CHCHD6: variants seen among roughly 807,000 people sequenced by gnomAD.
CHCHD6 encodes the protein MICOS complex subunit MIC25.
CHCHD6 carries 28 observed loss-of-function variants against 32.3 expected under a neutral mutation model. That is an observed-to-expected ratio of 0.87 (90% CI 0.64 to 1.19). The LOEUF (loss-of-function observed/expected upper bound fraction) is 1.19. Among genes scored for constraint, CHCHD6 ranks in the 50% most tolerant of loss-of-function variants. The pLI is 0.00. For synonymous variants in CHCHD6, 122 were observed against 117.5 expected, an observed-to-expected ratio of 1.04 and a Z score of -0.25; for missense variants, 333 against 307.0, an observed-to-expected ratio of 1.08 and a Z score of -0.63.
intron 4 of CHCHD6, among the ~76,000 whole-genome samples, chr3:126,737,503 A>G (rs1171679736): frequency 2.0e-5 from 3 of 151,650 alleles, no homozygotes; most frequent in African/African-American, 7.3e-5. Context: ...GAAATAAGAG[A>G]CAGCTTCTGA....
intron 6 of CHCHD6, among the ~76,000 whole-genome samples, chr3:126,940,403 A>G (rs560111258): frequency 3.2e-4 from 48 of 152,300 alleles, no homozygotes; most frequent in African/African-American, 1.2e-3. Context: ...TAATTATCCT[A>G]TTATTCTTGT....
intron 4 of CHCHD6, among the ~76,000 whole-genome samples, chr3:126,826,896 C>T (rs1404680680): frequency 6.6e-6 from 1 of 152,174 alleles, no homozygotes; most frequent in African/African-American, 2.4e-5. Flanking sequence ...ACTGAGAGTT[C>T]TCTGGTCCAC....
chr3:126,752,317 A>T (rs906857236), intron 4 of CHCHD6, among the ~76,000 whole-genome samples: 1 of 152,194 alleles, frequency 6.6e-6, no homozygotes, highest in Non-Finnish European at 1.5e-5. Context: ...TTGTGAATGA[A>T]GTCCTGGAAC....
At chr3:126,919,747 T>C (rs74690067) in intron 6 of CHCHD6, among the ~76,000 whole-genome samples, 5,149 of 152,020 alleles carry the variant, frequency 0.034, 297 homozygotes, top group African/African-American at 0.12. Flanking sequence ...TTTGAAGATA[T>C]CTTTACATTC....
intron 4 of CHCHD6, among the ~76,000 whole-genome samples, chr3:126,834,036 A>T (rs1165996433): frequency 7.4e-6 from 1 of 135,606 alleles, no homozygotes; most frequent in Non-Finnish European, 1.5e-5. Context: ...ACTGGGCGAC[A>T]GAGCGAGACT....
intron 4 of CHCHD6, among the ~76,000 whole-genome samples, chr3:126,807,728 T>C (rs1051840044): frequency 2.6e-5 from 4 of 152,232 alleles, no homozygotes; most frequent in African/African-American, 9.6e-5. Flanking sequence ...AATTTTAGAA[T>C]ATAAAGGACA....
rs146155278 is a variant in CHCHD6, at chr3:126,875,661, A to G, written c.495+22931A>G. On this transcript the variant is annotated intron_variant, in intron 5 of 7. Coordinates refer to ENST00000290913, the MANE Select transcript of CHCHD6 (RefSeq NM_032343.3). Reference sequence around the variant, plus strand: ...GTTTTAAATAAACCAGGCAGTTTAGAGGTGCGTCAGTGTCCTTAGAATCCT... The same window carrying G: ...GTTTTAAATAAACCAGGCAGTTTAGGGGTGCGTCAGTGTCCTTAGAATCCT... 5.1e-4 allele frequency among the ~76,000 whole-genome samples: 78 copies of G among 152,322 alleles called. 1 individual carries two copies. The East Asian group carries it at 8.5e-3, about 17-fold the overall frequency.
At chr3:126,782,434 T>C (rs1937990529) in intron 4 of CHCHD6, among the ~76,000 whole-genome samples, 1 of 152,232 alleles carries the variant, frequency 6.6e-6, no homozygotes, top group Admixed American at 6.5e-5. Context: ...TGTCATACGC[T>C]TTAGAGAAAG....
At chr3:126,821,452 C>T (rs1940147013) in intron 4 of CHCHD6, among the ~76,000 whole-genome samples, 1 of 152,002 alleles carries the variant, frequency 6.6e-6, no homozygotes, top group African/African-American at 2.4e-5. Context: ...TGCCCACCAC[C>T]CCTGGCTAAT....
intron 5 of CHCHD6, chr3:126,854,796 G>A (rs993733636): frequency 6.6e-6 from 1 of 152,486 alleles, no homozygotes; most frequent in African/African-American, 2.4e-5. Context: ...ATAGCTCAGA[G>A]TACAGTCCCG....
At chr3:126,913,795 C>G (rs1027057210) in intron 5 of CHCHD6, among the ~76,000 whole-genome samples, 2 of 152,350 alleles carry the variant, frequency 1.3e-5, no homozygotes, top group Non-Finnish European at 2.9e-5. Context: ...TCAGAACATG[C>G]GAAGGTGCTG....
chr3:126,883,423 G>A (rs960245582), intron 5 of CHCHD6, among the ~76,000 whole-genome samples: 3 of 152,208 alleles, frequency 2.0e-5, no homozygotes, highest in Non-Finnish European at 4.4e-5. Flanking sequence ...AGAATTGGAG[G>A]ACACCCAGCT....
At chr3:126,805,438 A>G (rs547191820) in intron 4 of CHCHD6, among the ~76,000 whole-genome samples, 3 of 152,058 alleles carry the variant, frequency 2.0e-5, no homozygotes, top group Non-Finnish European at 4.4e-5. Flanking sequence ...TCATGAGTGA[A>G]CTCCCATTCA....
rs185023311 is a variant in CHCHD6 at position 126,951,572 on chromosome 3, G to A, written c.567-5844G>A. Among the ~76,000 whole-genome samples, 645 of 152,338 alleles carry A rather than the reference G, an allele frequency of 4.2e-3. 9 individuals carry two copies. Among genetic ancestry groups the A allele is most frequent in the African/African-American group, 0.014 (581 of 41,572 alleles). On this transcript the variant is annotated intron_variant, in intron 6 of 7. Coordinates refer to ENST00000290913, the MANE Select transcript of CHCHD6 (RefSeq NM_032343.3). Reference sequence around the variant, plus strand: ...GTGGACCAAGACCAGAGAGAAGGAAGAGGGAGGGAGGATCGCCTGGGTCTC... The same window carrying A: ...GTGGACCAAGACCAGAGAGAAGGAAAAGGGAGGGAGGATCGCCTGGGTCTC...
At chr3:126,875,622 T>G (rs2077530234) in intron 5 of CHCHD6, among the ~76,000 whole-genome samples, 1 of 152,216 alleles carries the variant, frequency 6.6e-6, no homozygotes, top group African/African-American at 2.4e-5. Context: ...CTTGATGGCA[T>G]CATACTTCAT....
intron 6 of CHCHD6, among the ~76,000 whole-genome samples, chr3:126,917,071 G>C (rs977467635): frequency 6.6e-6 from 1 of 152,244 alleles, no homozygotes; most frequent in Non-Finnish European, 1.5e-5. Flanking sequence ...TATTGTCATA[G>C]CCTTTCTCAT....
At chr3:126,811,057 C>T (rs1939634266) in intron 4 of CHCHD6, among the ~76,000 whole-genome samples, 1 of 152,132 alleles carries the variant, frequency 6.6e-6, no homozygotes, top group African/African-American at 2.4e-5. Context: ...GAGAAGAGGA[C>T]TTAGGATAGA....
intron 6 of CHCHD6, among the ~76,000 whole-genome samples, chr3:126,930,543 G>C (rs2078389183): frequency 6.6e-6 from 1 of 152,198 alleles, no homozygotes; most frequent in Admixed American, 6.5e-5. Flanking sequence ...CATTTGTTCT[G>C]TCTTCTGGGA....
At chr3:126,933,219 A>G (rs931701371) in intron 6 of CHCHD6, among the ~76,000 whole-genome samples, 4 of 152,070 alleles carry the variant, frequency 2.6e-5, no homozygotes, top group African/African-American at 9.7e-5. Flanking sequence ...GAAGCCTGGT[A>G]CAACCTCCCC....
Sources: gnomAD v4.1 joint callset for allele counts (sites outside exome capture counted in the v4.1 genomes callset) on GRCh38, gnomAD v4.1.1 for gene constraint, MANE v1.5 for transcripts, NCBI Gene and HGNC (gene_info 2026-07-23, HGNC 2026-07-21) for gene names.